SLC24A2: variants seen among roughly 807,000 people sequenced by gnomAD.
SLC24A2 encodes the protein solute carrier family 24 member 2.
Under a neutral mutation model 62.0 loss-of-function variants are expected in SLC24A2, and 36 were observed. That is an observed-to-expected ratio of 0.58 (90% confidence interval 0.44 to 0.77). The LOEUF (loss-of-function observed/expected upper bound fraction) is 0.77. Among genes scored for constraint, SLC24A2 ranks in the 30% least tolerant of loss-of-function variants. The probability of loss-of-function intolerance (pLI) is 0.00; values close to 1 mark genes in which losing one functional copy is unlikely to be tolerated. For synonymous variants in SLC24A2, 358 were observed against 294.0 expected (o/e 1.22, Z -2.23); for missense variants, 846 against 817.9 (o/e 1.03, Z -0.42).
the SLC24A2 span, among the ~76,000 whole-genome samples, chr9:20,266,852 A>G: frequency 6.6e-6 from 1 of 152,132 alleles, no homozygotes; most frequent in Non-Finnish European, 1.5e-5. Context: ...CTGAGGCAGG[A>G]GGATCACTTG....
the SLC24A2 span, among the ~76,000 whole-genome samples, chr9:19,799,048 C>G: frequency 6.6e-6 from 1 of 152,144 alleles, no homozygotes; most frequent in Non-Finnish European, 1.5e-5. Context: ...AGCTTCTACA[C>G]TATTCTACTA....
the SLC24A2 span, among the ~76,000 whole-genome samples, chr9:20,066,260 C>T: frequency 2.2e-4 from 33 of 152,148 alleles, no homozygotes; most frequent in South Asian, 2.1e-4. Flanking sequence ...TATAGCACTG[C>T]GGTTTCATTT....
At chr9:19,876,447 A>G in the SLC24A2 span, among the ~76,000 whole-genome samples, 1 of 151,786 alleles carries the variant, frequency 6.6e-6, no homozygotes. Context: ...CTTGGAAACC[A>G]TATATAAGGG....
At chr9:20,278,097 G>T in the SLC24A2 span, among the ~76,000 whole-genome samples, 6 of 152,076 alleles carry the variant, frequency 3.9e-5, no homozygotes, top group Middle Eastern at 3.4e-3. Flanking sequence ...GGGGTTGGGG[G>T]AGGGGGAGGG....
At chr9:20,085,155 C>A in the SLC24A2 span, among the ~76,000 whole-genome samples, 1 of 152,012 alleles carries the variant, frequency 6.6e-6, no homozygotes, top group Non-Finnish European at 1.5e-5. Flanking sequence ...ACCACTATGC[C>A]CAGCTAATTT....
the SLC24A2 span, among the ~76,000 whole-genome samples, chr9:19,922,346 T>A: frequency 1.2e-4 from 19 of 152,354 alleles, 2 homozygotes; most frequent in South Asian, 2.9e-3. Context: ...TATGATGTTT[T>A]TTAAAAGCAG....
At chr9:19,777,350 T>A (rs935093803) in intron 2 of SLC24A2, among the ~76,000 whole-genome samples, 1 of 152,232 alleles carries the variant, frequency 6.6e-6, no homozygotes, top group Admixed American at 6.5e-5. Flanking sequence ...TTAAAAATTA[T>A]AATATTCAAC....
chr9:20,249,410 A>G, the SLC24A2 span, among the ~76,000 whole-genome samples: 2 of 152,120 alleles, frequency 1.3e-5, no homozygotes, highest in East Asian at 3.9e-4. Flanking sequence ...GGATTAAATG[A>G]GATAGTCCAT....
At chr9:19,569,768 G>T (rs939202939) in intron 7 of SLC24A2, among the ~76,000 whole-genome samples, 1 of 152,086 alleles carries the variant, frequency 6.6e-6, no homozygotes, top group African/African-American at 2.4e-5. Flanking sequence ...AGCTCTGCTT[G>T]GCCCTCCTCT....
At chr9:20,298,866 T>C in the SLC24A2 span, among the ~76,000 whole-genome samples, 1 of 152,224 alleles carries the variant, frequency 6.6e-6, no homozygotes. Context: ...GCCCTTCTCC[T>C]TACTAGAGCC....
intron 2 of SLC24A2, among the ~76,000 whole-genome samples, chr9:19,690,427 T>C (rs980671986): frequency 6.6e-6 from 1 of 152,080 alleles, no homozygotes; most frequent in Non-Finnish European, 1.5e-5. Flanking sequence ...ACTGGTGAAA[T>C]GCTGAGACTG....
At chr9:19,612,997 G>A (rs957164108) in intron 4 of SLC24A2, among the ~76,000 whole-genome samples, 1 of 152,188 alleles carries the variant, frequency 6.6e-6, no homozygotes, top group African/African-American at 2.4e-5. Flanking sequence ...CATCTGGGCA[G>A]GTCACCAAGC....
At chr9:20,002,079 A>G in the SLC24A2 span, among the ~76,000 whole-genome samples, 3 of 152,214 alleles carry the variant, frequency 2.0e-5, no homozygotes, top group Admixed American at 1.3e-4. Flanking sequence ...TTAGTGGAAC[A>G]TACTTAGGTA....
At chr9:19,957,202 A>T in the SLC24A2 span, among the ~76,000 whole-genome samples, 1 of 152,180 alleles carries the variant, frequency 6.6e-6, no homozygotes, top group African/African-American at 2.4e-5. Context: ...TCCATACAAT[A>T]AAGACAAACT....
rs755812905 is a variant in SLC24A2 at position 19,730,774 on chromosome 9, A to G, written c.930+55163T>C. ...TTAAACATGCTTAAAATATTTTTCG[A>G]TGCATATATTTTCTAAGCATAAATG... On this transcript the variant is annotated intron_variant, in intron 2 of 10. Coordinates refer to ENST00000341998, the MANE Select transcript of SLC24A2 (RefSeq NM_020344.4). Among the ~76,000 whole-genome samples the G allele has an allele frequency of 2.0e-5, 3 of 152,138 alleles. No homozygotes were observed. The South Asian group carries it at 6.2e-4, about 31-fold the overall frequency.
chr9:19,527,342 T>G (rs967111257), intron 9 of SLC24A2, among the ~76,000 whole-genome samples: 40 of 152,248 alleles, frequency 2.6e-4, no homozygotes, highest in African/African-American at 9.6e-4. Context: ...AACTTCTTTA[T>G]CTGTAAACTG....
At chr9:19,552,574 A>C (rs1020057747) in intron 7 of SLC24A2, among the ~76,000 whole-genome samples, 1 of 151,980 alleles carries the variant, frequency 6.6e-6, no homozygotes, top group African/African-American at 2.4e-5. Flanking sequence ...CAAGCTGATG[A>C]GTTCATTAAG....
At position 19,786,517 on chromosome 9, in the gene SLC24A2, T is replaced by C. The variant is rs1403679006; in HGVS notation, c.350A>G (p.Gln117Arg). 7 of 1,614,226 alleles carry C rather than the reference T, an allele frequency of 4.3e-6. No individual in the cohort carries two copies. Among genetic ancestry groups the C allele is most frequent in the Non-Finnish European group, 2.5e-6 (3 of 1,180,050 alleles). Reference sequence around the variant, plus strand: ...AAAGATGTCTTTCGGGTAGTCTCCTTGGGCGTGATCTGTACTATTCTCAGA... The same window carrying C: ...AAAGATGTCTTTCGGGTAGTCTCCTCGGGCGTGATCTGTACTATTCTCAGA... ...GESENSTDHA[Q>R]GDYPKDIFSL... is the part of the protein sequence containing the mutation. The change falls in exon 2 of 11, where the codon CAA (glutamine) becomes CGA (arginine). Residue 117 changes from glutamine to arginine, a missense_variant. By Grantham distance (43) the Gln-to-Arg change is conservative (BLOSUM62 1). Coordinates refer to ENST00000341998, the MANE Select transcript of SLC24A2 (RefSeq NM_020344.4). The surrounding 1 kb of genome is among the most constrained non-coding windows in gnomAD (Gnocchi z 5.0).
At chr9:20,024,611 GT>G in the SLC24A2 span, among the ~76,000 whole-genome samples, 14,089 of 152,202 alleles carry the variant, frequency 0.093, 1,055 homozygotes, top group East Asian at 0.41. Context: ...GGATTAGTAG[GT>G]TCTCTGATAA....
Sources: gnomAD v4.1 joint callset for allele counts (sites outside exome capture counted in the v4.1 genomes callset) on GRCh38, gnomAD v4.1.1 for gene constraint, Gnocchi (gnomAD v3.1) non-coding constraint, MANE v1.5 for transcripts, NCBI Gene and HGNC (gene_info 2026-07-23, HGNC 2026-07-21) for gene names.